The following SLC35F4 variants were observed in gnomAD, a reference collection of about 807,000 sequenced individuals.
SLC35F4 encodes the protein chromosome 14 open reading frame 36.
Under a neutral mutation model 44.2 loss-of-function variants are expected in SLC35F4, and 24 were observed. The observed-to-expected ratio is 0.54, with a 90% CI of 0.39 to 0.76. SLC35F4 has a LOEUF of 0.76. SLC35F4 is among the 30% of genes least tolerant of loss of function. The pLI, the probability that SLC35F4 is intolerant of heterozygous loss-of-function variation, is 0.00. For missense variants in SLC35F4, 562 were observed against 586.1 expected, an observed-to-expected ratio of 0.96 and a Z score of 0.42; for synonymous variants, 238 against 223.6, an observed-to-expected ratio of 1.06 and a Z score of -0.57.
At chr14:57,587,646 T>G (rs886877321) in intron 3 of SLC35F4, among the ~76,000 whole-genome samples, 2 of 152,084 alleles carry the variant, frequency 1.3e-5, no homozygotes, top group Non-Finnish European at 2.9e-5. Context: ...AGGGGAGGGA[T>G]AGCACTGGGA....
At chr14:57,675,573 G>C (rs2074666221) in intron 1 of SLC35F4, among the ~76,000 whole-genome samples, 1 of 151,932 alleles carries the variant, frequency 6.6e-6, no homozygotes, top group African/African-American at 2.4e-5. Flanking sequence ...GGTGAAAGTG[G>C]GCATCCTTGT....
At chr14:57,717,590 C>A (rs1035547061) in intron 1 of SLC35F4, among the ~76,000 whole-genome samples, 5 of 152,150 alleles carry the variant, frequency 3.3e-5, no homozygotes, top group African/African-American at 1.2e-4. Flanking sequence ...GAGCCGAGAT[C>A]GCGCCACTGC....
chr14:57,898,566 T>C (rs1432276514), intron 1 of SLC35F4, among the ~76,000 whole-genome samples: 1 of 152,208 alleles, frequency 6.6e-6, no homozygotes, highest in Non-Finnish European at 1.5e-5. Flanking sequence ...TCTTCTAATA[T>C]ATAGGCATAT....
At chr14:57,874,165 C>G (rs1355305920) in intron 1 of SLC35F4, among the ~76,000 whole-genome samples, 1 of 152,186 alleles carries the variant, frequency 6.6e-6, no homozygotes, top group Non-Finnish European at 1.5e-5. Context: ...CTACTCCTCC[C>G]TCAGCTGTTT....
chr14:57,700,034 A>G (rs1296464139), intron 1 of SLC35F4, among the ~76,000 whole-genome samples: 1 of 152,184 alleles, frequency 6.6e-6, no homozygotes, highest in Non-Finnish European at 1.5e-5. Flanking sequence ...CCCTATAGGT[A>G]CTATATTTTT....
chr14:57,590,215 C>A (rs1312629886), intron 2 of SLC35F4, among the ~76,000 whole-genome samples: 1 of 131,302 alleles, frequency 7.6e-6, no homozygotes, highest in Non-Finnish European at 1.7e-5. Flanking sequence ...GAAAGAGAGA[C>A]CTTGTCTATG....
intron 1 of SLC35F4, among the ~76,000 whole-genome samples, chr14:57,853,777 A>G (rs1217298985): frequency 1.3e-5 from 2 of 152,168 alleles, no homozygotes; most frequent in Non-Finnish European, 1.5e-5. Context: ...GAGATGAAAG[A>G]CAGAGCAAGA....
chr14:57,813,940 C>T (rs1020755242), intron 1 of SLC35F4, among the ~76,000 whole-genome samples: 1 of 152,162 alleles, frequency 6.6e-6, no homozygotes, highest in African/African-American at 2.4e-5. Context: ...TGTGGGGACG[C>T]TTTAGGGTCT....
At position 57,901,488 on chromosome 14, in the gene SLC35F4, T is replaced by C. The variant is rs192487879; in HGVS notation, n.282+80425A>G. Among the ~76,000 whole-genome samples, 117 of 151,830 alleles carry C rather than the reference T, an allele frequency of 7.7e-4. 1 individual carries two copies. The highest frequency in any genetic ancestry group is 2.7e-3 in the African/African-American group (110 of 41,384). On this transcript the variant is annotated intron_variant and non_coding_transcript_variant, in intron 1 of 1. Transcript: ENST00000556568. Reference sequence around the variant, plus strand: ...TGAATGAGGAGAACACATAGACACATTGGGGGAGAACAACACACGCTGGGG... The same window carrying C: ...TGAATGAGGAGAACACATAGACACACTGGGGGAGAACAACACACGCTGGGG...
At position 57,710,434 on chromosome 14, in the gene SLC35F4, G is replaced by A. The variant is rs796494564; in HGVS notation, c.104-116310C>T. Reference sequence around the variant, plus strand: ...AGTGCAGAAGAGAAATGTGGGGATGGAGCCCCCACACAGAGTCCCTACTAG... The same window carrying A: ...AGTGCAGAAGAGAAATGTGGGGATGAAGCCCCCACACAGAGTCCCTACTAG... On this transcript the variant is annotated intron_variant, in intron 1 of 7. Coordinates refer to ENST00000556826, the MANE Select transcript of SLC35F4 (RefSeq NM_001306087.2). 3.3e-5 allele frequency among the ~76,000 whole-genome samples: 5 copies of A among 152,164 alleles called. 1 individual carries two copies. Among genetic ancestry groups the A allele is most frequent in the African/African-American group, 1.2e-4 (5 of 41,520 alleles).
At chr14:57,914,084 T>A (rs1889268833) in intron 1 of SLC35F4, among the ~76,000 whole-genome samples, 1 of 152,210 alleles carries the variant, frequency 6.6e-6, no homozygotes, top group African/African-American at 2.4e-5. Context: ...TGTCTTAGTC[T>A]GTTTTATGCT....
intron 1 of SLC35F4, among the ~76,000 whole-genome samples, chr14:57,895,881 A>G (rs1324709697): frequency 6.6e-6 from 1 of 152,064 alleles, no homozygotes; most frequent in Non-Finnish European, 1.5e-5. Flanking sequence ...GAGCCCCTAT[A>G]CCTGGCATTC....
chr14:57,952,977 A>G (rs1890168049), intron 1 of SLC35F4, among the ~76,000 whole-genome samples: 5 of 152,276 alleles, frequency 3.3e-5, no homozygotes, highest in Admixed American at 3.3e-4. Context: ...ACCCAAAGAC[A>G]CATGATCATC....
At chr14:57,719,760 A>C (rs2076037461) in intron 1 of SLC35F4, among the ~76,000 whole-genome samples, 1 of 152,172 alleles carries the variant, frequency 6.6e-6, no homozygotes, top group Non-Finnish European at 1.5e-5. Context: ...TCTGCAAACA[A>C]TGATAATTTG....
chr14:57,663,361 A>G (rs17093535), intron 1 of SLC35F4, among the ~76,000 whole-genome samples: 3,958 of 152,288 alleles, frequency 0.026, 162 homozygotes, highest in African/African-American at 0.089. Context: ...AGTGCCAATC[A>G]GCATTTCAAT....
chr14:57,708,938 C>T (rs1219469979), intron 1 of SLC35F4, among the ~76,000 whole-genome samples: 3 of 152,152 alleles, frequency 2.0e-5, no homozygotes, highest in Non-Finnish European at 2.9e-5. Flanking sequence ...ACAGCTTACA[C>T]CATTATTTCT....
intron 1 of SLC35F4, among the ~76,000 whole-genome samples, chr14:57,979,009 G>A (rs1881297014): frequency 6.6e-6 from 1 of 152,196 alleles, no homozygotes; most frequent in African/African-American, 2.4e-5. Context: ...TAGGACATCT[G>A]CTGGTCTTAT....
chr14:57,682,948 C>CA (rs2074954013), intron 1 of SLC35F4, among the ~76,000 whole-genome samples: 1 of 152,084 alleles, frequency 6.6e-6, no homozygotes, highest in African/African-American at 2.4e-5. Context: ...CACTCCCTAC[C>CA]AAAAAATCTC....
chr14:57,647,497 G>A (rs892968232), intron 1 of SLC35F4, among the ~76,000 whole-genome samples: 21 of 151,246 alleles, frequency 1.4e-4, no homozygotes, highest in East Asian at 3.9e-4. Flanking sequence ...CCATTGTCTT[G>A]GAATGCTTGA....
Sources: gnomAD v4.1 joint callset for allele counts (sites outside exome capture counted in the v4.1 genomes callset) on GRCh38, gnomAD v4.1.1 for gene constraint, MANE v1.5 for transcripts, NCBI Gene and HGNC (gene_info 2026-07-23, HGNC 2026-07-21) for gene names.